FBXO11: variants seen among roughly 807,000 people sequenced by gnomAD.
The protein encoded by FBXO11 is F-box only protein 11.
A neutral mutation model predicts 117.0 loss-of-function variants in FBXO11; 13 were observed. The observed-to-expected ratio is 0.11, with a 90% CI of 0.07 to 0.18. The LOEUF (loss-of-function observed/expected upper bound fraction) is 0.18. FBXO11 is among the 10% of genes least tolerant of loss of function. The pLI is 1.00. For synonymous variants in FBXO11, 490 were observed against 380.5 expected, an observed-to-expected ratio of 1.29 and a Z score of -3.35; for missense variants, 767 against 1,164.4, an observed-to-expected ratio of 0.66 and a Z score of 4.97.
intron 1 of FBXO11, among the ~76,000 whole-genome samples, chr2:47,895,501 G>A (rs1291425828): frequency 1.3e-5 from 2 of 152,164 alleles, no homozygotes; most frequent in East Asian, 1.9e-4. Flanking sequence ...CAGTGACTAG[G>A]AAGGCCCTTC....
At chr2:47,896,648 C>T (rs917370070) in intron 1 of FBXO11, among the ~76,000 whole-genome samples, 2 of 152,096 alleles carry the variant, frequency 1.3e-5, no homozygotes, top group African/African-American at 4.8e-5. Context: ...TTTAATTTCG[C>T]TTCCCTCTTT....
chr2:47,871,185 G>A (rs141430945), intron 1 of FBXO11, among the ~76,000 whole-genome samples: 29 of 152,238 alleles, frequency 1.9e-4, no homozygotes, highest in Non-Finnish European at 3.8e-4. Flanking sequence ...TGCTCTCTTC[G>A]ATTACTTGCT....
chr2:47,894,764 C>T (rs1677529881), intron 1 of FBXO11, among the ~76,000 whole-genome samples: 1 of 152,092 alleles, frequency 6.6e-6, no homozygotes. Context: ...TCAATCAAAT[C>T]TGTGGATAAA....
At chr2:47,842,026 T>A (rs528693871) in intron 1 of FBXO11, among the ~76,000 whole-genome samples, 2 of 151,520 alleles carry the variant, frequency 1.3e-5, no homozygotes, top group East Asian at 1.9e-4. Context: ...TTTTTATTTT[T>A]TTTTTTTGAG....
intron 11 of FBXO11, among the ~76,000 whole-genome samples, chr2:47,828,974 G>C (rs1389094700): frequency 6.6e-6 from 1 of 151,906 alleles, no homozygotes; most frequent in East Asian, 1.9e-4. Context: ...GAGTGCAGTG[G>C]CATGATCTTG....
intron 13 of FBXO11, among the ~76,000 whole-genome samples, chr2:47,821,322 CA>C (rs1671363369): frequency 6.6e-6 from 1 of 151,476 alleles, no homozygotes; most frequent in South Asian, 2.1e-4. Context: ...ATTAAAAATG[CA>C]AAAATGGCCA....
chr2:47,900,903 C>CGTGT lies in FBXO11; in HGVS notation c.232+4585_232+4586insACAC, dbSNP rs1264962326. Reference sequence around the variant, plus strand: ...ATATATATACACGTATATATACACACATATATATGTATATATATACACGTA... The same window carrying CGTGT: ...ATATATATACACGTATATATACACACGTGTATATATATGTATATATATACACGTA... On this transcript the variant is annotated intron_variant, in intron 1 of 22. Transcript: ENST00000403359. Among the ~76,000 whole-genome samples the CGTGT allele has an allele frequency of 5.6e-4, 72 of 129,144 alleles. 1 individual carries two copies. The highest frequency in any genetic ancestry group is 9.7e-4 in the Non-Finnish European group (57 of 58,618). The allele number at this position is 129,144 out of a possible 152,430, so 84.7% of individuals were successfully genotyped here. A position where few individuals can be genotyped will look rare whatever the true frequency, so the allele number is the denominator to read the frequency against.
chr2:47,839,184 C>T (rs1185951646), intron 3 of FBXO11, among the ~76,000 whole-genome samples, 181 bp from the exon 4 acceptor site: 1 of 151,814 alleles, frequency 6.6e-6, no homozygotes, highest in Non-Finnish European at 1.5e-5. Context: ...AAAAGTACTC[C>T]TTCTTTTAGG....
intron 1 of FBXO11, among the ~76,000 whole-genome samples, chr2:47,863,576 T>C (rs1269492098): frequency 1.3e-5 from 2 of 152,210 alleles, no homozygotes; most frequent in Non-Finnish European, 2.9e-5. Context: ...CCCCTAGTTC[T>C]CACTAGACCT....
chr2:47,859,837 A>AT (rs1421086494), intron 1 of FBXO11, among the ~76,000 whole-genome samples: 6 of 152,112 alleles, frequency 3.9e-5, no homozygotes, highest in Admixed American at 6.6e-5. Flanking sequence ...GAAATAGTCT[A>AT]TTTTTTTGTG....
chr2:47,857,769 T>G (rs1162000750), intron 1 of FBXO11, among the ~76,000 whole-genome samples: 1 of 152,180 alleles, frequency 6.6e-6, no homozygotes, highest in East Asian at 1.9e-4. Context: ...AGTCATTGAA[T>G]GAATATACAA....
chr2:47,834,625 A>G lies in FBXO11; in HGVS notation c.888T>C (p.Thr296=). The change falls in exon 7 of 23, where the codon ACT becomes ACC. Residue 296 remains threonine (T), a synonymous_variant. Transcript: ENST00000403359. ...GAGATTCAATATATATCCATTCATC[A>G]GTATATATTCCAGAATGAACAAAGA... ...GLIFVHSGIY[T]DEWIYIESPI... is the part of the protein sequence containing the mutation. 6.2e-7 allele frequency: 1 copy of G among 1,600,620 alleles called. No individual in the cohort carries two copies. The highest frequency in any genetic ancestry group is 8.5e-7 in the Non-Finnish European group (1 of 1,171,278).
chr2:47,840,044 C>T (rs999276513), intron 1 of FBXO11, among the ~76,000 whole-genome samples: 6 of 151,610 alleles, frequency 4.0e-5, no homozygotes, highest in South Asian at 2.1e-4. Flanking sequence ...CCTGGGTTCA[C>T]GCCTTTCTCC....
intron 1 of FBXO11, among the ~76,000 whole-genome samples, chr2:47,873,487 T>C (rs1675774909): frequency 6.6e-6 from 1 of 152,186 alleles, no homozygotes; most frequent in Admixed American, 6.5e-5. Flanking sequence ...TTGAGGTTCT[T>C]TGGCATGATT....
chr2:47,859,665 G>C (rs1674599194), intron 1 of FBXO11, among the ~76,000 whole-genome samples: 1 of 152,170 alleles, frequency 6.6e-6, no homozygotes, highest in South Asian at 2.1e-4. Context: ...ACGCTTTCAA[G>C]GTAGCTGGGG....
chr2:47,870,791 C>T (rs1675565968), intron 1 of FBXO11, among the ~76,000 whole-genome samples: 1 of 152,198 alleles, frequency 6.6e-6, no homozygotes, highest in African/African-American at 2.4e-5. Flanking sequence ...TATCTACATT[C>T]AGACTGATAT....
intron 1 of FBXO11, among the ~76,000 whole-genome samples, chr2:47,857,821 CCTGTTT>C (rs1674429875): frequency 6.6e-6 from 1 of 152,126 alleles, no homozygotes; most frequent in African/African-American, 2.4e-5. Context: ...TTTAGGCAAG[CCTGTTT>C]CTTACCATCA....
intron 3 of FBXO11, 102 bp downstream of exon 3, chr2:47,839,317 C>T (rs977306134): frequency 9.5e-7 from 1 of 1,053,778 alleles, no homozygotes; most frequent in East Asian, 2.6e-5. Context: ...CTTTCTGAAT[C>T]CCAAAGGTAA....
At chr2:47,820,195 G>C (rs1424008778) in intron 14 of FBXO11, among the ~76,000 whole-genome samples, 167 bp downstream of exon 14, 1 of 152,150 alleles carries the variant, frequency 6.6e-6, no homozygotes, top group African/African-American at 2.4e-5. Flanking sequence ...AAATCATTAA[G>C]ATACTGGCAG....
Sources: gnomAD v4.1 joint callset for allele counts (sites outside exome capture counted in the v4.1 genomes callset) on GRCh38, gnomAD v4.1.1 for gene constraint, MANE v1.5 for transcripts, NCBI Gene and HGNC (gene_info 2026-07-23, HGNC 2026-07-21) for gene names.